Variants in TAFA1 observed in about 807,000 individuals in gnomAD.
TAFA1 encodes the protein chemokine-like protein TAFA-1.
TAFA1 carries 4 observed loss-of-function variants against 18.5 expected under a neutral mutation model. The observed-to-expected ratio is 0.22, with a 90% CI of 0.11 to 0.49. The LOEUF is 0.49. TAFA1 is among the 20% of genes least tolerant of loss of function. The pLI, the probability that TAFA1 is intolerant of heterozygous loss-of-function variation, is 0.98. For synonymous variants in TAFA1, 56 were observed against 55.2 expected, an observed-to-expected ratio of 1.01 and a Z score of -0.06; for missense variants, 147 against 169.0, an observed-to-expected ratio of 0.87 and a Z score of 0.72.
At chr3:68,125,574 T>A (rs2065454311) in intron 2 of TAFA1, among the ~76,000 whole-genome samples, 1 of 152,158 alleles carries the variant, frequency 6.6e-6, no homozygotes, top group South Asian at 2.1e-4. Context: ...GCCCTTTGTC[T>A]TATTAAGCTC....
intron 2 of TAFA1, among the ~76,000 whole-genome samples, chr3:68,336,263 G>A (rs760855350): frequency 2.0e-5 from 3 of 152,130 alleles, no homozygotes. Flanking sequence ...TTAAAGCCAC[G>A]GGAACTGGGC....
intron 2 of TAFA1, among the ~76,000 whole-genome samples, chr3:68,120,930 T>C (rs1229848627): frequency 1.3e-5 from 2 of 152,208 alleles, no homozygotes; most frequent in Admixed American, 1.3e-4. Context: ...TATGGACACA[T>C]ACCTGAGGAG....
intron 2 of TAFA1, among the ~76,000 whole-genome samples, chr3:68,402,556 A>G (rs1288836469): frequency 2.0e-5 from 3 of 152,194 alleles, no homozygotes; most frequent in African/African-American, 4.8e-5. Context: ...AATGACATCT[A>G]CAATGTGCAA....
chr3:68,394,459 A>G (rs1036415122), intron 2 of TAFA1, among the ~76,000 whole-genome samples: 2 of 152,292 alleles, frequency 1.3e-5, no homozygotes, highest in Non-Finnish European at 2.9e-5. Flanking sequence ...ACTACTTTAA[A>G]TTTCATATGG....
intron 2 of TAFA1, among the ~76,000 whole-genome samples, chr3:68,237,802 G>T (rs964002800): frequency 6.6e-5 from 10 of 152,260 alleles, no homozygotes; most frequent in Non-Finnish European, 1.0e-4. Flanking sequence ...GGGATAGAAA[G>T]TTGCATATAA....
chr3:68,526,614 A>G (rs1304842480), intron 3 of TAFA1, among the ~76,000 whole-genome samples: 1 of 152,192 alleles, frequency 6.6e-6, no homozygotes, highest in Non-Finnish European at 1.5e-5. Context: ...TGATCATGGT[A>G]AATTTGTAGC....
chr3:68,107,358 A>G (rs572247567), intron 2 of TAFA1, among the ~76,000 whole-genome samples: 3 of 152,260 alleles, frequency 2.0e-5, no homozygotes, highest in African/African-American at 7.2e-5. Flanking sequence ...AGTTTTATTC[A>G]TACTTGCCCC....
At chr3:68,106,386 C>G (rs910152836) in intron 2 of TAFA1, among the ~76,000 whole-genome samples, 5 of 152,018 alleles carry the variant, frequency 3.3e-5, no homozygotes, top group Admixed American at 6.6e-5. Context: ...GCCCTTGAAA[C>G]GTGGTTAGCA....
intron 2 of TAFA1, among the ~76,000 whole-genome samples, chr3:68,398,469 A>G (rs1285878947): frequency 6.6e-6 from 1 of 152,202 alleles, no homozygotes; most frequent in Non-Finnish European, 1.5e-5. Context: ...TAAAAACCCT[A>G]GAAGGATCTT....
intron 2 of TAFA1, among the ~76,000 whole-genome samples, chr3:68,302,383 T>C (rs2068320603): frequency 6.6e-6 from 1 of 152,162 alleles, no homozygotes; most frequent in Non-Finnish European, 1.5e-5. Context: ...AGAGAATGCC[T>C]TTGGTCTCTC....
chr3:68,517,426 T>A (rs528588754), intron 3 of TAFA1, among the ~76,000 whole-genome samples: 1 of 152,332 alleles, frequency 6.6e-6, no homozygotes, highest in Admixed American at 6.5e-5. Flanking sequence ...CATGGCCTTA[T>A]GTAGTGCCTT....
chr3:68,268,277 A>G (rs1402556142), intron 2 of TAFA1, among the ~76,000 whole-genome samples: 2 of 152,130 alleles, frequency 1.3e-5, no homozygotes, highest in African/African-American at 4.8e-5. Context: ...AAATAAGAGG[A>G]GAGAGAGCAC....
chr3:68,011,686 G>A (rs367877350), intron 2 of TAFA1, among the ~76,000 whole-genome samples: 13 of 152,274 alleles, frequency 8.5e-5, no homozygotes, highest in African/African-American at 2.2e-4. Context: ...TTAAGAATGC[G>A]TACCAGTGCT....
At chr3:68,509,937 G>A (rs911947182) in intron 3 of TAFA1, among the ~76,000 whole-genome samples, 1 of 152,068 alleles carries the variant, frequency 6.6e-6, no homozygotes, top group Non-Finnish European at 1.5e-5. Context: ...ACTAATTTAT[G>A]CCCTCTTGAC....
chr3:68,370,116 G>A (rs542426120), intron 2 of TAFA1, among the ~76,000 whole-genome samples: 140 of 148,524 alleles, frequency 9.4e-4, no homozygotes, highest in African/African-American at 3.2e-3. Flanking sequence ...GTGAAACCCC[G>A]TCTCTAATAA....
chr3:68,496,829 G>T (rs56064707), intron 3 of TAFA1, among the ~76,000 whole-genome samples: 1 of 151,932 alleles, frequency 6.6e-6, no homozygotes, highest in Non-Finnish European at 1.5e-5. Context: ...CTATATCATG[G>T]GGTGGTCCTT....
chr3:68,427,190 A>G (rs1264712069), intron 3 of TAFA1, among the ~76,000 whole-genome samples: 1 of 151,868 alleles, frequency 6.6e-6, no homozygotes, highest in Non-Finnish European at 1.5e-5. Context: ...ATTGGTTTTC[A>G]TTTATCTCTA....
intron 2 of TAFA1, among the ~76,000 whole-genome samples, chr3:68,232,611 G>A (rs1453355758): frequency 6.6e-6 from 1 of 151,778 alleles, no homozygotes; most frequent in Non-Finnish European, 1.5e-5. Flanking sequence ...TATTTTTAGT[G>A]GGTTTTTTTT....
chr3:68,030,828 G>T (rs917217098), intron 2 of TAFA1, among the ~76,000 whole-genome samples: 3 of 152,084 alleles, frequency 2.0e-5, no homozygotes, highest in African/African-American at 7.2e-5. Context: ...AGTATATTTT[G>T]CCTGAGAGGT....
Sources: gnomAD v4.1 joint callset for allele counts (sites outside exome capture counted in the v4.1 genomes callset) on GRCh38, gnomAD v4.1.1 for gene constraint, MANE v1.5 for transcripts, NCBI Gene and HGNC (gene_info 2026-07-23, HGNC 2026-07-21) for gene names.